The following SLC11A1 variants were observed in gnomAD, a reference collection of about 807,000 sequenced individuals.
SLC11A1 encodes the protein solute carrier family 11 member 1, also known as natural resistance-associated macrophage protein 1.
A neutral mutation model predicts 63.2 loss-of-function variants in SLC11A1; 59 were observed. The ratio of observed to expected loss-of-function variants is 0.93; its 90% CI spans 0.76 to 1.16. The LOEUF (loss-of-function observed/expected upper bound fraction) is 1.16, where lower values mean the gene tolerates loss of function less well. SLC11A1 is among the 50% of genes most tolerant of loss of function. The pLI, the probability that SLC11A1 is intolerant of heterozygous loss-of-function variation, is 0.00. For synonymous variants in SLC11A1, 305 were observed against 307.8 expected, an observed-to-expected ratio of 0.99 and a Z score of 0.09; for missense variants, 688 against 730.7, an observed-to-expected ratio of 0.94 and a Z score of 0.67.
intron 13 of SLC11A1, 121 bp downstream of exon 13, chr2:218,394,314 T>C (rs750485463): frequency 2.9e-6 from 3 of 1,027,600 alleles, no homozygotes; most frequent in Non-Finnish European, 4.4e-6. Flanking sequence ...CTGAGAGAGG[T>C]TAAGGGACTT....
intron 2 of SLC11A1, chr2:218,383,339 C>T (rs1355030911): frequency 1.9e-6 from 1 of 526,308 alleles, no homozygotes; most frequent in Non-Finnish European, 3.4e-6. Flanking sequence ...CTCAGCTTTC[C>T]TATGAAGGAA....
At chr2:218,388,564 C>G (rs1696255179) in intron 8 of SLC11A1, among the ~76,000 whole-genome samples, 1 of 150,536 alleles carries the variant, frequency 6.6e-6, no homozygotes, top group Admixed American at 6.6e-5. Context: ...GAGGCCGAGG[C>G]GGGCGGGCGG....
At chr2:218,383,474 T>G (rs1695911564) in intron 2 of SLC11A1, 1 of 171,228 alleles carries the variant, frequency 5.8e-6, no homozygotes. Context: ...GTCACCTGCA[T>G]TTCCAGTATC....
Position 218,394,146 on chromosome 2 carries a change from C to T in SLC11A1, c.1341C>T (p.Leu447=), listed in dbSNP as rs1696616277. ...TCCCGTTCGCCGTGCTGCCCATCCT[C>T]ACGTTCACCAGCATGCCCACCCTCA... is the stretch of plus-strand genomic sequence containing the variant. ...LLLPFAVLPI[L]TFTSMPTLMQ... is the part of the protein sequence containing the mutation. The change falls in exon 13 of 15, where the codon CTC becomes CTT. Residue 447 remains leucine, a synonymous_variant. Transcript: ENST00000233202. 6.2e-7 allele frequency: 1 copy of T among 1,614,080 alleles called. No homozygotes were observed. Among genetic ancestry groups the T allele is most frequent in the South Asian group, 1.1e-5 (1 of 91,088 alleles).
chr2:218,387,874 C>T lies in SLC11A1; in HGVS notation c.714C>T (p.His238=). Residue 238 remains histidine, a synonymous_variant, in exon 8 of 15, where the codon CAC becomes CAT. Coordinates refer to ENST00000233202, the MANE Select transcript of SLC11A1 (RefSeq NM_000578.4). ...TGCCCTCGTGCCCGGGCTGCGGCCA[C>T]CCCGAGCTGCTGCAGGCGGTGGGCA... The part of the protein sequence containing the change: ...LFLPSCPGCG[H]PELLQAVGIV... 6.2e-7 allele frequency: 1 copy of T among 1,603,024 alleles called. No individual in the cohort carries two copies. The highest frequency in any genetic ancestry group is 8.5e-7 in the Non-Finnish European group (1 of 1,175,226).
chr2:218,383,007 TCCAGCCCGA>T lies in SLC11A1; in HGVS notation c.72_80del (p.Thr25_Pro27del), dbSNP rs145961681. 1,277 of 1,613,942 alleles carry T rather than the reference TCCAGCCCGA, an allele frequency of 7.9e-4. 7 individuals are homozygous for T. In the African/African-American group the frequency reaches 0.013, roughly 17 times the overall value. On this transcript the variant is annotated inframe_deletion, in exon 2 of 15. Transcript: ENST00000233202. ...AAGCGGGTCCAGCTATGGTTCCATCTCCAGCCCGACCAGCCCGACCAGCCCAGGGCCACA... is the reference window on the plus strand; with the variant it reads ...AAGCGGGTCCAGCTATGGTTCCATCTCCAGCCCGACCAGCCCAGGGCCACA...
intron 8 of SLC11A1, 179 bp downstream of exon 8, chr2:218,388,134 C>A: frequency 1.5e-6 from 1 of 675,450 alleles, no homozygotes; most frequent in Non-Finnish European, 2.4e-6. Flanking sequence ...CTTTGGGAGG[C>A]GGAGGCGGGC....
intron 9 of SLC11A1, 147 bp from the exon 10 acceptor site, chr2:218,391,051 A>C: frequency 1.5e-6 from 1 of 675,444 alleles, no homozygotes; most frequent in South Asian, 1.8e-5. Flanking sequence ...ACAAAACCCA[A>C]CTTATTTTGT....
chr2:218,382,274 CACTT>C lies in SLC11A1; in HGVS notation c.-90_-87del. The C allele has an allele frequency of 7.0e-7, 1 of 1,434,146 alleles. No homozygotes were observed. The highest frequency in any genetic ancestry group is 9.7e-7 in the Non-Finnish European group (1 of 1,035,988). 88.8% of individuals were successfully genotyped at this position (1,434,146 alleles called of 1,614,324 possible). A position where few individuals can be genotyped will look rare whatever the true frequency, so the allele number is the denominator to read the frequency against. On this transcript the variant is annotated 5_prime_UTR_variant, in exon 1 of 15. Coordinates refer to ENST00000233202, the MANE Select transcript of SLC11A1 (RefSeq NM_000578.4). Reference sequence around the variant, plus strand: ...ATGGGTAACAGGGCGTGGGCTGGCACACTTACTTGCACCAGTGCCCAGAGAGGGG... The same window carrying C: ...ATGGGTAACAGGGCGTGGGCTGGCACACTTGCACCAGTGCCCAGAGAGGGG...
intron 4 of SLC11A1, among the ~76,000 whole-genome samples, chr2:218,386,155 G>T (rs184467558): frequency 6.6e-6 from 1 of 152,230 alleles, no homozygotes; most frequent in Admixed American, 6.5e-5. Context: ...AGCAGGGGGA[G>T]AAAATGGTTT....
chr2:218,389,267 G>A (rs957397887), intron 8 of SLC11A1, among the ~76,000 whole-genome samples: 2 of 151,840 alleles, frequency 1.3e-5, no homozygotes, highest in African/African-American at 4.8e-5. Flanking sequence ...AAGTGAACAA[G>A]GCTTGGGTCC....
In SLC11A1 at chr2:218,396,593, G is replaced by A. The variant is rs1255774902; in HGVS notation, c.*1558G>A. The stretch of plus-strand genomic sequence containing the variant: ...GCGAGTGGGTCCCTCAAGGAGAGAA[G>A]AGATGGGACCGGTCTGGTGCGACCT... On this transcript the variant is annotated 3_prime_UTR_variant, in exon 15 of 15. Coordinates refer to ENST00000233202, the MANE Select transcript of SLC11A1 (RefSeq NM_000578.4). 1 of 152,474 alleles carries A rather than the reference G, an allele frequency of 6.6e-6. No individual in the cohort carries two copies. The highest frequency in any genetic ancestry group is 1.9e-4 in the East Asian group (1 of 5,338). The allele number at this position is 152,474 out of a possible 1,614,324, so 9.4% of individuals were successfully genotyped here.
chr2:218,392,986 C>G lies in SLC11A1; in HGVS notation c.1170C>G (p.Phe390Leu). 1.3e-6 allele frequency: 2 copies of G among 1,591,804 alleles called. No homozygotes were observed. Among genetic ancestry groups the G allele is most frequent in the Non-Finnish European group, 1.7e-6 (2 of 1,172,238 alleles). The change falls in exon 12 of 15, where the codon TTC becomes TTG. Residue 390 changes from phenylalanine to leucine, a missense_variant. Phe to Leu is a conservative substitution (Grantham distance 22). Transcript: ENST00000233202. Reference sequence around the variant, plus strand: ...GGAGTTCACCCCCACCCCAGGGCTTCCTGAGGCTGCGGTGGTCACGCTTCG... The same window carrying G: ...GGAGTTCACCCCCACCCCAGGGCTTGCTGAGGCTGCGGTGGTCACGCTTCG... Reference protein sequence around the residue: ...TYAGQFVMEGFLRLRWSRFAR... With the variant: ...TYAGQFVMEGLLRLRWSRFAR...
chr2:218,394,340 G>T, intron 13 of SLC11A1, 147 bp downstream of exon 13: 1 of 841,774 alleles, frequency 1.2e-6, no homozygotes. Flanking sequence ...GGTTCACACA[G>T]CTAGCAAGTT....
chr2:218,386,155 GA>G (rs1034844996), intron 4 of SLC11A1, among the ~76,000 whole-genome samples: 1 of 152,112 alleles, frequency 6.6e-6, no homozygotes, highest in Non-Finnish European at 1.5e-5. Flanking sequence ...AGCAGGGGGA[GA>G]AAATGGTTTA....
In SLC11A1 at chr2:218,384,278, G is replaced by A. The variant is rs761795601; in HGVS notation, c.186G>A (p.Thr62=). 1.2e-4 allele frequency: 195 copies of A among 1,606,996 alleles called. No individual in the cohort carries two copies. The Middle Eastern group carries it at 2.5e-3, about 20-fold the overall frequency. The change falls in exon 3 of 15, where the codon ACG becomes ACA. Residue 62 remains threonine (T), a synonymous_variant. Transcript: ENST00000233202. The surrounding 1 kb of genome is among the most constrained non-coding windows in gnomAD (Gnocchi z 4.0). ...TFSLRKLWAF[T]GPGFLMSIAF... ...GCCTGCGGAAGCTATGGGCCTTCAC[G>A]GGGCCTGGCTTCCTCATGAGCATTG... is the stretch of plus-strand genomic sequence containing the variant.
intron 8 of SLC11A1, 186 bp downstream of exon 8, chr2:218,388,141 G>A: frequency 3.0e-6 from 2 of 659,924 alleles, no homozygotes; most frequent in Non-Finnish European, 5.0e-6. Flanking sequence ...AGGCGGAGGC[G>A]GGCGGATCAC....
At position 218,388,005 on chromosome 2, in the gene SLC11A1, G is replaced by T. The variant is rs1256159993; in HGVS notation, c.795+50G>T. On this transcript the variant is annotated intron_variant, in intron 8 of 14. Transcript: ENST00000233202. ...GACCCCCTCACTCAGTCGGAGCCAT[G>T]CTGGCTCCGCCTCCAAGCCTGGAGC... 4.7e-6 allele frequency: 7 copies of T among 1,500,242 alleles called. No homozygotes were observed. The Admixed American group carries it at 1.4e-4, about 29-fold the overall frequency. 92.9% of individuals were successfully genotyped at this position (1,500,242 alleles called of 1,614,324 possible). A position where few individuals can be genotyped will look rare whatever the true frequency, so the allele number is the denominator to read the frequency against.
At chr2:218,393,239 A>T (rs1696560341) in intron 12 of SLC11A1, 109 bp downstream of exon 12, 1 of 1,165,132 alleles carries the variant, frequency 8.6e-7, no homozygotes, top group East Asian at 3.2e-5. Flanking sequence ...TCCCAGGCAC[A>T]TCTTGCCTAC....
Sources: allele counts gnomAD v4.1 joint callset (sites outside exome capture counted in the v4.1 genomes callset), GRCh38; gene constraint gnomAD v4.1.1; non-coding constraint Gnocchi (gnomAD v3.1); transcripts MANE v1.5; gene names NCBI Gene and HGNC (gene_info 2026-07-23, HGNC 2026-07-21).